The following XKR4 variants were observed in gnomAD, a reference collection of about 807,000 sequenced individuals.
XKR4 encodes XK-related protein 4.
Under a neutral mutation model 53.9 loss-of-function variants are expected in XKR4, and 12 were observed. The observed-to-expected ratio is 0.22, with a 90% confidence interval of 0.14 to 0.36. The LOEUF (loss-of-function observed/expected upper bound fraction) is 0.36, where lower values mean the gene tolerates loss of function less well. Ranked by LOEUF, XKR4 falls within the 10% of genes least tolerant of loss-of-function variation. XKR4 has a pLI of 1.00. For missense variants in XKR4, 799 were observed against 859.5 expected (o/e 0.93, Z 0.88); for synonymous variants, 354 against 362.4 (o/e 0.98, Z 0.26).
chr8:55,376,250 T>C (rs1804151001), intron 2 of XKR4, among the ~76,000 whole-genome samples: 1 of 152,178 alleles, frequency 6.6e-6, no homozygotes. Flanking sequence ...TACCTAGTAA[T>C]GGGATTGCTG....
At chr8:55,261,795 C>T (rs1285317077) in intron 1 of XKR4, among the ~76,000 whole-genome samples, 2 of 151,698 alleles carry the variant, frequency 1.3e-5, no homozygotes, top group African/African-American at 4.8e-5. Flanking sequence ...AGTCTTTGGT[C>T]ATTAATAGAT....
At chr8:55,105,094 A>AT (rs1436461530) in intron 1 of XKR4, among the ~76,000 whole-genome samples, 8 of 151,976 alleles carry the variant, frequency 5.3e-5, no homozygotes, top group African/African-American at 1.9e-4. Context: ...AAAAACTGTA[A>AT]TTTTTTTTAC....
At chr8:55,411,133 G>A (rs1804772190) in intron 2 of XKR4, among the ~76,000 whole-genome samples, 1 of 152,196 alleles carries the variant, frequency 6.6e-6, no homozygotes, top group Admixed American at 6.5e-5. Flanking sequence ...GGGGCTGCAA[G>A]TTTCTTGAGT....
In XKR4 at chr8:55,241,102, T is replaced by C. The variant is rs937475376; in HGVS notation, c.807-116576T>C. On this transcript the variant is annotated intron_variant, in intron 1 of 2. Coordinates refer to ENST00000327381, the MANE Select transcript of XKR4 (RefSeq NM_052898.2). ...TAAAAAAAGAAACCTTCAAAACTAG[T>C]GTATTTGACTTTGCTTAACCTCAGA... 7.2e-5 allele frequency among the ~76,000 whole-genome samples: 11 copies of C among 152,224 alleles called. 1 individual carries two copies. The highest frequency in any genetic ancestry group is 7.2e-4 in the Admixed American group (11 of 15,286).
chr8:55,133,082 G>A (rs1382170802), intron 1 of XKR4, among the ~76,000 whole-genome samples: 1 of 152,128 alleles, frequency 6.6e-6, no homozygotes, highest in Non-Finnish European at 1.5e-5. Flanking sequence ...AGAGAGAAAT[G>A]CATTTTTGCC....
At chr8:55,214,051 A>C (rs928850608) in intron 1 of XKR4, among the ~76,000 whole-genome samples, 2 of 151,708 alleles carry the variant, frequency 1.3e-5, no homozygotes, top group Admixed American at 1.3e-4. Flanking sequence ...CAGTAGAGAC[A>C]GGGTTTCACC....
chr8:55,314,811 G>T (rs929090974), intron 1 of XKR4, among the ~76,000 whole-genome samples: 2 of 152,076 alleles, frequency 1.3e-5, no homozygotes, highest in East Asian at 3.9e-4. Flanking sequence ...TTTCCCATCC[G>T]CAAAATGGTG....
At chr8:55,418,234 G>A (rs550291747) in intron 2 of XKR4, among the ~76,000 whole-genome samples, 54 of 152,318 alleles carry the variant, frequency 3.5e-4, no homozygotes, top group African/African-American at 1.2e-3. Flanking sequence ...GTGGATAGCC[G>A]TGGCAGGGCA....
intron 1 of XKR4, among the ~76,000 whole-genome samples, chr8:55,113,945 G>A (rs1000512217): frequency 2.6e-5 from 4 of 152,096 alleles, no homozygotes; most frequent in Non-Finnish European, 5.9e-5. Context: ...TGGCATCTAT[G>A]TATTACATTT....
intron 1 of XKR4, among the ~76,000 whole-genome samples, chr8:55,212,661 T>C (rs1249927940): frequency 1.3e-5 from 2 of 152,222 alleles, no homozygotes; most frequent in African/African-American, 4.8e-5. Flanking sequence ...GAATTTTATT[T>C]TTGGTTTACA....
At chr8:55,393,548 C>A (rs946550693) in intron 2 of XKR4, among the ~76,000 whole-genome samples, 5 of 152,108 alleles carry the variant, frequency 3.3e-5, no homozygotes, top group South Asian at 2.1e-4. Flanking sequence ...ATTATACTAA[C>A]CTTTCTGCTT....
At chr8:55,434,908 G>A (rs1020815788) in intron 2 of XKR4, among the ~76,000 whole-genome samples, 47 of 152,294 alleles carry the variant, frequency 3.1e-4, no homozygotes, top group African/African-American at 1.1e-3. Flanking sequence ...GCTGTGCCAC[G>A]TGGGGTTCAC....
chr8:55,124,344 G>C (rs947319941), intron 1 of XKR4, among the ~76,000 whole-genome samples: 14 of 152,162 alleles, frequency 9.2e-5, no homozygotes, highest in African/African-American at 2.9e-4. Context: ...CCAGCCTCTG[G>C]TTCATACAGA....
At chr8:55,170,643 C>CA (rs35490862) in intron 1 of XKR4, among the ~76,000 whole-genome samples, 7,096 of 152,234 alleles carry the variant, frequency 0.047, 217 homozygotes, top group South Asian at 0.11. Flanking sequence ...GAAATTAATG[C>CA]AGATATGCAT....
At chr8:55,152,838 A>G (rs1816856381) in intron 1 of XKR4, among the ~76,000 whole-genome samples, 2 of 152,202 alleles carry the variant, frequency 1.3e-5, no homozygotes, top group African/African-American at 2.4e-5. Context: ...TCCCTTAACT[A>G]CATTTGAGCC....
chr8:55,465,515 C>A lies in XKR4; in HGVS notation c.1007-57766C>A, dbSNP rs571730381. 2.0e-5 allele frequency among the ~76,000 whole-genome samples: 3 copies of A among 151,954 alleles called. No individual in the cohort carries two copies. The South Asian group carries it at 6.2e-4, about 32-fold the overall frequency. The stretch of plus-strand genomic sequence containing the variant: ...ATGGATTAAAGACTTAAATGTTAGA[C>A]CTAAAACCATAAAAACCCTAGAAGA... On this transcript the variant is annotated intron_variant, in intron 2 of 2. Coordinates refer to ENST00000327381, the MANE Select transcript of XKR4 (RefSeq NM_052898.2).
chr8:55,493,072 A>G (rs1361345791), intron 2 of XKR4, among the ~76,000 whole-genome samples: 4 of 151,364 alleles, frequency 2.6e-5, no homozygotes, highest in Non-Finnish European at 5.9e-5. Flanking sequence ...TCTAGAGGAT[A>G]GTGTGGGCCA....
At chr8:55,303,740 C>T (rs1352927905) in intron 1 of XKR4, among the ~76,000 whole-genome samples, 17 of 152,116 alleles carry the variant, frequency 1.1e-4, no homozygotes, top group South Asian at 2.1e-4. Flanking sequence ...GTGTATGTGT[C>T]GAGGAATTTA....
At chr8:55,399,640 C>T (rs1026332756) in intron 2 of XKR4, among the ~76,000 whole-genome samples, 4 of 152,180 alleles carry the variant, frequency 2.6e-5, no homozygotes, top group Admixed American at 1.3e-4. Flanking sequence ...CACTTGGCCT[C>T]GACAAGGAAA....
Sources: gnomAD v4.1 joint callset for allele counts (sites outside exome capture counted in the v4.1 genomes callset) on GRCh38, gnomAD v4.1.1 for gene constraint, MANE v1.5 for transcripts, NCBI Gene and HGNC (gene_info 2026-07-23, HGNC 2026-07-21) for gene names.